SLC26A11: variants seen among roughly 807,000 people sequenced by gnomAD.
SLC26A11 encodes the protein sodium-independent sulfate anion transporter.
SLC26A11 carries 58 observed loss-of-function variants against 62.2 expected under a neutral mutation model. The observed-to-expected ratio is 0.93, with a 90% CI of 0.76 to 1.16. The LOEUF (loss-of-function observed/expected upper bound fraction) is 1.16. Among genes scored for constraint, SLC26A11 ranks in the 50% most tolerant of loss-of-function variants. The pLI is 0.00. For missense variants in SLC26A11, 790 were observed against 794.3 expected, an observed-to-expected ratio of 0.99 and a Z score of 0.06; for synonymous variants, 411 against 368.9, an observed-to-expected ratio of 1.11 and a Z score of -1.31.
Position 80,223,331 on chromosome 17 carries a change from G to T in SLC26A11, c.507G>T (p.Gln169His), listed in dbSNP as rs536655493. ...CTGCCGTCACCATCGGCTTTGGACA[G>T]ATCAAGGTAGGCACGGCGCCCACCC... The part of the protein sequence containing the change: ...SAAAVTIGFG[Q>H]IKNLLGLQNI... The change falls in exon 5 of 18, where the codon CAG becomes CAT. Residue 169 changes from glutamine (Q) to histidine (H), a missense_variant. Transcript: ENST00000361193. This position sits in a 1 kb window ranked among gnomAD's most constrained non-coding sequence, Gnocchi z 4.6. 251 of 1,614,138 alleles carry T rather than the reference G, an allele frequency of 1.6e-4. 1 individual carries two copies. The South Asian group carries it at 2.4e-3, about 16-fold the overall frequency.
At chr17:80,242,996 C>T (rs532621109) in intron 10 of SLC26A11, among the ~76,000 whole-genome samples, 5 of 152,152 alleles carry the variant, frequency 3.3e-5, no homozygotes, top group Admixed American at 1.3e-4. Flanking sequence ...CGTGAGCCAC[C>T]GCGCCTGGCC....
In SLC26A11 at chr17:80,251,334, C is replaced by T. The variant is rs759506340; in HGVS notation, c.1662C>T (p.Pro554=). ...VALAFVGLQV[P]VLRVLLSADL... is the part of the protein sequence containing the mutation. ...AAAGTCTGTCTGTCTCTCAGGTCCC[C>T]GTTCTCCGTGTCCTGCTGTCCGCTG... Residue 554 remains proline (P), a synonymous_variant, in exon 17 of 18, where the codon CCC becomes CCT. Transcript: ENST00000361193. 2.2e-5 allele frequency: 35 copies of T among 1,613,926 alleles called. No individual in the cohort carries two copies. The highest frequency in any genetic ancestry group is 8.3e-5 in the Admixed American group (5 of 59,978).
In SLC26A11 at chr17:80,246,154, G is replaced by A. The variant is rs2042987972; in HGVS notation, c.1098G>A (p.Arg366=). The change falls in exon 12 of 18, where the codon CGG becomes CGA. Residue 366 remains arginine (R), a splice_region_variant and synonymous_variant. Coordinates refer to ENST00000361193, the MANE Select transcript of SLC26A11 (RefSeq NM_001166347.2). The surrounding 1 kb of genome is among the most constrained non-coding windows in gnomAD (Gnocchi z 4.4). ...SSYPVTGSFG[R]TAVNAQSGVC... Reference sequence around the variant, plus strand: ...TGACGGTCTCTGTGTTGCCTTCCAGGACAGCCGTGAACGCTCAGTCGGGGG... The same window carrying A: ...TGACGGTCTCTGTGTTGCCTTCCAGAACAGCCGTGAACGCTCAGTCGGGGG... 5.0e-6 allele frequency: 8 copies of A among 1,613,234 alleles called. No homozygotes were observed. The highest frequency in any genetic ancestry group is 6.8e-6 in the Non-Finnish European group (8 of 1,180,000).
At chr17:80,249,114 G>A (rs1209197776) in intron 15 of SLC26A11, 40 bp from the exon 16 acceptor site, 1 of 1,590,802 alleles carries the variant, frequency 6.3e-7, no homozygotes, top group Admixed American at 1.7e-5. Context: ...GCTTTGGGCT[G>A]CTCTGGGTGG....
Position 80,223,071 on chromosome 17 carries a change from C to T in SLC26A11, c.428-181C>T. On this transcript the variant is annotated intron_variant, in intron 4 of 17. Coordinates refer to ENST00000361193, the MANE Select transcript of SLC26A11 (RefSeq NM_001166347.2). This position sits in a 1 kb window ranked among gnomAD's most constrained non-coding sequence, Gnocchi z 4.6. ...TTGGAGAAGTGCCTGTGGCCTCAGA[C>T]CCCAGTCTCCCTTTTCTGCTCTCCA... The T allele has an allele frequency of 2.7e-6, 2 of 727,384 alleles. No individual in the cohort carries two copies. The highest frequency in any genetic ancestry group is 3.5e-5 in the South Asian group (2 of 57,754). The allele number at this position is 727,384 out of a possible 1,614,324, so 45.1% of individuals were successfully genotyped here.
chr17:80,245,287 C>T (rs749926646), intron 11 of SLC26A11, 31 bp downstream of exon 11: 2 of 1,610,282 alleles, frequency 1.2e-6, no homozygotes, highest in Non-Finnish European at 1.7e-6. Context: ...TTCTGTTTGC[C>T]CACGTTGGAC....
In SLC26A11 at chr17:80,236,995, G is replaced by C. The variant is rs2042711689; in HGVS notation, c.804G>C (p.Gln268His). ...ACTCCTTCGAGGTGACTGGATACCA[G>C]CCTTTCATCCTAACAGGGGAGACAG... ...VAYSFEVTGY[Q>H]PFILTGETAE... is the part of the protein sequence containing the mutation. The change falls in exon 8 of 18, where the codon CAG becomes CAC. Residue 268 changes from glutamine to histidine, a missense_variant. Coordinates refer to ENST00000361193, the MANE Select transcript of SLC26A11 (RefSeq NM_001166347.2). 1 of 1,614,022 alleles carries C rather than the reference G, an allele frequency of 6.2e-7. No homozygotes were observed. Among genetic ancestry groups the C allele is most frequent in the South Asian group, 1.1e-5 (1 of 91,088 alleles).
At chr17:80,250,349 A>G (rs1276914943) in intron 16 of SLC26A11, among the ~76,000 whole-genome samples, 2 of 152,190 alleles carry the variant, frequency 1.3e-5, no homozygotes, top group Non-Finnish European at 2.9e-5. Flanking sequence ...GGCTAGTGTT[A>G]TCTTCATCCC....
intron 5 of SLC26A11, among the ~76,000 whole-genome samples, chr17:80,224,836 G>A (rs1168905160): frequency 6.6e-6 from 1 of 152,050 alleles, no homozygotes; most frequent in Non-Finnish European, 1.5e-5. Flanking sequence ...CCCGCCCAGG[G>A]ACTCTGCAGC....
Position 80,252,359 on chromosome 17 carries a change from A to T in SLC26A11, c.1730-266A>T, listed in dbSNP as rs184243020. ...AATCAGCTCAGATGCAGTGCACTGG[A>T]GGTGGATAAGCAGAATGTGGCCTGG... On this transcript the variant is annotated intron_variant, in intron 17 of 17. Transcript: ENST00000361193. This position sits in a 1 kb window ranked among gnomAD's most constrained non-coding sequence, Gnocchi z 5.2. 2.6e-5 allele frequency among the ~76,000 whole-genome samples: 4 copies of T among 152,196 alleles called. No individual in the cohort carries two copies. The highest frequency in any genetic ancestry group is 2.9e-5 in the Non-Finnish European group (2 of 67,982).
intron 10 of SLC26A11, among the ~76,000 whole-genome samples, chr17:80,244,016 A>G (rs1378147743): frequency 6.6e-6 from 1 of 152,244 alleles, no homozygotes; most frequent in East Asian, 1.9e-4. Context: ...CCACGCCTGT[A>G]TTTCCTTGCC....
chr17:80,226,996 C>T (rs1034750820), intron 6 of SLC26A11, among the ~76,000 whole-genome samples: 2 of 152,108 alleles, frequency 1.3e-5, no homozygotes, highest in African/African-American at 4.8e-5. Context: ...GGGCAGGGGT[C>T]GGCCAGATGG....
chr17:80,240,096 G>A (rs114126407), intron 9 of SLC26A11, among the ~76,000 whole-genome samples: 1,963 of 152,272 alleles, frequency 0.013, 37 homozygotes, highest in African/African-American at 0.042. Flanking sequence ...AGCTGGGTGC[G>A]GTGGCACACG....
chr17:80,221,677 GCTGCCCAGCTACTCC>G lies in SLC26A11; in HGVS notation c.122_136del (p.Pro41_Leu45del). ...AGAGGAGGCTGCCCATCCTGGCGTG[GCTGCCCAGCTACTCC>G]CTGCAGTGGCTGAAGATGGATTTCG... On this transcript the variant is annotated inframe_deletion, in exon 3 of 18. Coordinates refer to ENST00000361193, the MANE Select transcript of SLC26A11 (RefSeq NM_001166347.2). The G allele has an allele frequency of 1.2e-6, 2 of 1,613,296 alleles. No homozygotes were observed. The highest frequency in any genetic ancestry group is 1.7e-6 in the Non-Finnish European group (2 of 1,180,002).
intron 7 of SLC26A11, among the ~76,000 whole-genome samples, chr17:80,234,179 A>G (rs749785390): frequency 2.6e-5 from 4 of 151,864 alleles, no homozygotes; most frequent in Non-Finnish European, 4.4e-5. Flanking sequence ...TAATTTTTGT[A>G]CTTTTAGCAG....
intron 7 of SLC26A11, among the ~76,000 whole-genome samples, chr17:80,233,306 T>A (rs1447317005): frequency 2.0e-5 from 3 of 152,024 alleles, no homozygotes; most frequent in South Asian, 2.1e-4. Flanking sequence ...GCTAATTTTT[T>A]AAATTTTTTT....
chr17:80,241,029 C>T (rs1189276314), intron 9 of SLC26A11, among the ~76,000 whole-genome samples: 1 of 151,936 alleles, frequency 6.6e-6, no homozygotes, highest in Non-Finnish European at 1.5e-5. Flanking sequence ...CACTTGAGCC[C>T]AGGAGGTCAA....
intron 9 of SLC26A11, 114 bp downstream of exon 9, chr17:80,237,708 C>A: frequency 1.1e-6 from 1 of 928,548 alleles, no homozygotes; most frequent in Non-Finnish European, 1.7e-6. Flanking sequence ...GAATTCATAT[C>A]CAAGTAATAC....
intron 10 of SLC26A11, among the ~76,000 whole-genome samples, chr17:80,244,419 C>T (rs896603714): frequency 6.6e-6 from 1 of 152,198 alleles, no homozygotes; most frequent in Non-Finnish European, 1.5e-5. Flanking sequence ...TCCCGAGTAC[C>T]TAGGGTTTGT....
Sources: allele counts gnomAD v4.1 joint callset (sites outside exome capture counted in the v4.1 genomes callset), GRCh38; gene constraint gnomAD v4.1.1; non-coding constraint Gnocchi (gnomAD v3.1); transcripts MANE v1.5; gene names NCBI Gene and HGNC (gene_info 2026-07-23, HGNC 2026-07-21).